XK: variants seen among roughly 807,000 people sequenced by gnomAD.
XK encodes the protein X-linked Kx blood group antigen, Kell and VPS13A binding protein.
Under a neutral mutation model 14.0 loss-of-function variants are expected in XK, and 2 were observed. The ratio of observed to expected loss-of-function variants is 0.14; its 90% CI spans 0.06 to 0.45. XK has a LOEUF of 0.45. Among genes scored for constraint, XK ranks in the 20% least tolerant of loss-of-function variants. XK has a pLI of 0.98. For synonymous variants in XK, 149 were observed against 147.5 expected (o/e 1.01, Z -0.08); for missense variants, 235 against 341.5 (o/e 0.69, Z 2.46).
At chrX:37,725,695 C>A (rs1211392034) in intron 2 of XK, among the ~76,000 whole-genome samples, 1 of 111,738 alleles carries the variant, frequency 8.9e-6, no homozygotes, top group African/African-American at 3.3e-5. Flanking sequence ...TAGAAGCAAC[C>A]AAGATGTCCT....
chrX:37,727,403 C>T (rs781918278), intron 2 of XK, among the ~76,000 whole-genome samples: 2 of 111,136 alleles, frequency 1.8e-5, no homozygotes, highest in Non-Finnish European at 3.8e-5. Flanking sequence ...AGGGCGCTCT[C>T]GGGAGTATTA....
intron 1 of XK, among the ~76,000 whole-genome samples, chrX:37,692,068 A>T (rs1927214248): frequency 8.9e-6 from 1 of 111,992 alleles, no homozygotes; most frequent in Non-Finnish European, 1.9e-5. Flanking sequence ...TTGAATTGAT[A>T]TATTAGGGTT....
At chrX:37,712,114 A>G (rs782652680) in intron 2 of XK, among the ~76,000 whole-genome samples, 9 of 110,998 alleles carry the variant, frequency 8.1e-5, no homozygotes, top group Non-Finnish European at 1.1e-4. Flanking sequence ...CAATCCTGCA[A>G]TTTCACTTCT....
At position 37,729,174 on chromosome X, in the gene XK, T is replaced by G. The variant is rs1556450631; in HGVS notation, c.*712T>G. On this transcript the variant is annotated 3_prime_UTR_variant, in exon 3 of 3. Transcript: ENST00000378616. Reference sequence around the variant, plus strand: ...AGGAAAGTTGTGATTCTTTGATATGTTGATGAAATTCTGGATCAGGAGGGG... The same window carrying G: ...AGGAAAGTTGTGATTCTTTGATATGGTGATGAAATTCTGGATCAGGAGGGG... The G allele has an allele frequency of 9.0e-6, 1 of 111,256 alleles. No homozygotes were observed. The highest frequency in any genetic ancestry group is 1.9e-5 in the Non-Finnish European group (1 of 53,018). The allele number at this position is 111,256 out of a possible 1,213,427, so 9.2% of individuals were successfully genotyped here. A position where few individuals can be genotyped will look rare whatever the true frequency, so the allele number is the denominator to read the frequency against.
At position 37,730,768 on chromosome X, in the gene XK, A is replaced by G. The variant is rs1266113713; in HGVS notation, c.*2306A>G. On this transcript the variant is annotated 3_prime_UTR_variant, in exon 3 of 3. Coordinates refer to ENST00000378616, the MANE Select transcript of XK (RefSeq NM_021083.4). The stretch of plus-strand genomic sequence containing the variant: ...GGTTTGGAAGCTTGTCTCAAAAACC[A>G]TTACAAAATCTTAACCTTCAAATAC... The G allele has an allele frequency of 8.9e-6, 1 of 112,366 alleles. No homozygotes were observed. Among genetic ancestry groups the G allele is most frequent in the Non-Finnish European group, 1.9e-5 (1 of 53,271 alleles). 9.3% of individuals were successfully genotyped at this position (112,366 alleles called of 1,213,427 possible). A position where few individuals can be genotyped will look rare whatever the true frequency, so the allele number is the denominator to read the frequency against.
chrX:37,688,901 T>C (rs986252876), intron 1 of XK, among the ~76,000 whole-genome samples: 9 of 111,941 alleles, frequency 8.0e-5, no homozygotes, highest in Non-Finnish European at 1.5e-4. Context: ...CTGGAAAATA[T>C]ATAAAACTAT....
intron 2 of XK, among the ~76,000 whole-genome samples, chrX:37,713,448 T>C (rs1475818573): frequency 8.9e-6 from 1 of 111,804 alleles, no homozygotes; most frequent in South Asian, 3.8e-4. Flanking sequence ...AGAGAAGATA[T>C]AGACCCTACT....
At chrX:37,726,414 A>G (rs1927975332) in intron 2 of XK, among the ~76,000 whole-genome samples, 3 of 111,960 alleles carry the variant, frequency 2.7e-5, no homozygotes, top group Non-Finnish European at 5.6e-5. Flanking sequence ...AGAGGTTGCC[A>G]TTTTTTCAGT....
intron 2 of XK, among the ~76,000 whole-genome samples, chrX:37,705,435 G>C (rs1927504561): frequency 9.4e-6 from 1 of 105,866 alleles, no homozygotes; most frequent in Non-Finnish European, 1.9e-5. Flanking sequence ...CTGGGTGAAA[G>C]AGCGAGACTC....
intron 1 of XK, among the ~76,000 whole-genome samples, chrX:37,686,636 A>G (rs1317621871): frequency 9.0e-6 from 1 of 111,693 alleles, no homozygotes; most frequent in African/African-American, 3.3e-5. Context: ...TAATTTATCA[A>G]ACACATGGAG....
intron 1 of XK, among the ~76,000 whole-genome samples, chrX:37,688,079 G>A (rs868950187): frequency 1.2e-4 from 2 of 16,212 alleles, no homozygotes; most frequent in South Asian, 5.8e-3. Flanking sequence ...TTTTTTTTTT[G>A]AGACGGAGTC....
chrX:37,697,403 TGAATA>T (rs1556442656), intron 2 of XK, among the ~76,000 whole-genome samples: 1 of 111,866 alleles, frequency 8.9e-6, no homozygotes. Flanking sequence ...GAATGGAAAA[TGAATA>T]GGCAACTGAC....
rs185341646 is a variant in XK, at chrX:37,705,430, T to C, written c.508+10882T>C. Among the ~76,000 whole-genome samples the C allele has an allele frequency of 1.1e-3, 117 of 105,446 alleles. No individual in the cohort carries two copies. In the East Asian group the frequency reaches 0.025, roughly 23 times the overall value. 91.6% of individuals were successfully genotyped at this position (105,446 alleles called of 115,157 possible). On this transcript the variant is annotated intron_variant, in intron 2 of 2. Coordinates refer to ENST00000378616, the MANE Select transcript of XK (RefSeq NM_021083.4). ...TCGCGCCACTGGACTCCAGCCTGGGTGAAAGAGCGAGACTCTGTCTCAAAA... is the reference window on the plus strand; with the variant it reads ...TCGCGCCACTGGACTCCAGCCTGGGCGAAAGAGCGAGACTCTGTCTCAAAA...
At chrX:37,708,175 C>G (rs1224650937) in intron 2 of XK, among the ~76,000 whole-genome samples, 1 of 111,775 alleles carries the variant, frequency 8.9e-6, no homozygotes, top group Non-Finnish European at 1.9e-5. Flanking sequence ...AGCTTCGGCT[C>G]GGCATCAGAG....
Position 37,727,569 on chromosome X carries a change from G to C in XK, c.509-67G>C. 3.1e-6 allele frequency: 3 copies of C among 973,972 alleles called. No individual in the cohort carries two copies. The East Asian group carries it at 9.2e-5, about 30-fold the overall frequency. 80.3% of individuals were successfully genotyped at this position (973,972 alleles called of 1,213,427 possible). On this transcript the variant is annotated intron_variant, in intron 2 of 2. Transcript: ENST00000378616. ...AAGGAATGCGGGTGGGGTGCTGACA[G>C]AGTGTCTGCTGCAGTAGGATTCCTA...
chrX:37,712,559 T>A (rs1556446924), intron 2 of XK, among the ~76,000 whole-genome samples: 1 of 112,403 alleles, frequency 8.9e-6, no homozygotes. Flanking sequence ...ATCAATTAGT[T>A]GTCCTGAGAT....
At chrX:37,700,651 A>G (rs782441168) in intron 2 of XK, among the ~76,000 whole-genome samples, 1 of 111,834 alleles carries the variant, frequency 8.9e-6, no homozygotes, top group South Asian at 3.8e-4. Context: ...AGACTTCCTC[A>G]TTGGCTTTGA....
intron 2 of XK, among the ~76,000 whole-genome samples, chrX:37,700,781 A>T (rs781915633): frequency 3.0e-4 from 33 of 111,130 alleles, no homozygotes; most frequent in Non-Finnish European, 5.7e-4. Context: ...GGGAGGCTTT[A>T]TTCAGAATAG....
intron 2 of XK, among the ~76,000 whole-genome samples, chrX:37,705,741 TTC>T (rs1412502440): frequency 3.7e-5 from 4 of 109,402 alleles, no homozygotes; most frequent in Non-Finnish European, 7.6e-5. Flanking sequence ...CTTTTTCTTT[TTC>T]TTTCTTTCTT....
Sources: allele counts gnomAD v4.1 joint callset (sites outside exome capture counted in the v4.1 genomes callset), GRCh38; gene constraint gnomAD v4.1.1; transcripts MANE v1.5; gene names NCBI Gene and HGNC (gene_info 2026-07-23, HGNC 2026-07-21).